The following RHAG variants were observed in gnomAD, a reference collection of about 807,000 sequenced individuals.
The protein encoded by RHAG is ammonium transporter Rh type A.
Under a neutral mutation model 42.4 loss-of-function variants are expected in RHAG, and 25 were observed. The observed-to-expected ratio is 0.59, with a 90% confidence interval of 0.43 to 0.82. The LOEUF is 0.82. RHAG is among the 40% of genes least tolerant of loss of function. The pLI is 0.00. For synonymous variants in RHAG, 182 were observed against 177.7 expected (o/e 1.02, Z -0.19); for missense variants, 483 against 504.6 (o/e 0.96, Z 0.41).
At chr6:49,628,166 AG>A (rs1487559376) in intron 1 of RHAG, among the ~76,000 whole-genome samples, 1 of 147,166 alleles carries the variant, frequency 6.8e-6, no homozygotes, top group Non-Finnish European at 1.5e-5. Flanking sequence ...ACACACAGAG[AG>A]AGAGAGAGAG....
At chr6:49,612,722 C>A (rs529989860) in intron 5 of RHAG, among the ~76,000 whole-genome samples, 188 bp from the exon 6 acceptor site, 1 of 152,310 alleles carries the variant, frequency 6.6e-6, no homozygotes, top group East Asian at 1.9e-4. Context: ...CATTTGGTAT[C>A]TTTCTTGCCG....
intron 1 of RHAG, among the ~76,000 whole-genome samples, chr6:49,634,838 T>C (rs1023459256): frequency 6.6e-6 from 1 of 152,098 alleles, no homozygotes; most frequent in African/African-American, 2.4e-5. Flanking sequence ...TACAATTATA[T>C]ACATTTGAGG....
intron 1 of RHAG, among the ~76,000 whole-genome samples, chr6:49,634,656 C>T (rs749314254): frequency 2.0e-5 from 3 of 151,740 alleles, no homozygotes; most frequent in African/African-American, 7.3e-5. Context: ...CTATCTAGTG[C>T]CTACAAGCTT....
intron 1 of RHAG, among the ~76,000 whole-genome samples, chr6:49,626,522 G>T: frequency 6.6e-6 from 1 of 152,186 alleles, no homozygotes; most frequent in East Asian, 1.9e-4. Context: ...TCAGGGTACA[G>T]CCCCCTTTCC....
At chr6:49,606,785 G>T in intron 9 of RHAG, 63 bp downstream of exon 9, 1 of 1,101,068 alleles carries the variant, frequency 9.1e-7, no homozygotes, top group Non-Finnish European at 1.4e-6. Context: ...TAGGCTTGAA[G>T]TGTGTAAAGC....
At chr6:49,606,680 C>A (rs936970900) in intron 9 of RHAG, 168 bp downstream of exon 9, 1 of 637,030 alleles carries the variant, frequency 1.6e-6, no homozygotes. Flanking sequence ...AAACAATCCT[C>A]CAGCCTCAGC....
intron 1 of RHAG, among the ~76,000 whole-genome samples, chr6:49,628,743 C>T (rs907948990): frequency 2.6e-5 from 4 of 151,148 alleles, no homozygotes; most frequent in Non-Finnish European, 2.9e-5. Flanking sequence ...CTTAAGGTGG[C>T]GCGTCTCGAG....
chr6:49,616,996 T>C (rs539246927), intron 3 of RHAG, among the ~76,000 whole-genome samples: 2 of 152,292 alleles, frequency 1.3e-5, no homozygotes, highest in South Asian at 4.2e-4. Flanking sequence ...AAAATAACCT[T>C]CTCTGTTTTT....
In RHAG at chr6:49,618,469, G is replaced by C. The variant is rs373603679; in HGVS notation, c.342-251C>G. On this transcript the variant is annotated intron_variant, in intron 2 of 9. Transcript: ENST00000371175. ...TCTAATAAGTGAATTATTTCCTGGG[G>C]TGTGTGTTTACTATTGCACAACAAG... 1.1e-4 allele frequency among the ~76,000 whole-genome samples: 16 copies of C among 152,236 alleles called. No homozygotes were observed. The East Asian group carries it at 2.7e-3, about 26-fold the overall frequency.
chr6:49,636,726 G>T lies in RHAG; in HGVS notation c.87C>A (p.Asp29Glu). Residue 29 changes from aspartate to glutamate, a missense_variant, in exon 1 of 10, where the codon GAC (aspartate) becomes GAA (glutamate). Coordinates refer to ENST00000371175, the MANE Select transcript of RHAG (RefSeq NM_000324.3). ...LFGLFVEYET[D>E]QTVLEQLNIT... Reference sequence around the variant, plus strand: ...TGTTGAGCTGCTCGAGAACAGTCTGGTCCGTTTCATACTCAACAAATAATC... The same window carrying T: ...TGTTGAGCTGCTCGAGAACAGTCTGTTCCGTTTCATACTCAACAAATAATC... 6.2e-7 allele frequency: 1 copy of T among 1,613,958 alleles called. No homozygotes were observed. The highest frequency in any genetic ancestry group is 8.5e-7 in the Non-Finnish European group (1 of 1,179,872).
At chr6:49,636,091 T>C (rs1581955729) in intron 1 of RHAG, among the ~76,000 whole-genome samples, 2 of 152,156 alleles carry the variant, frequency 1.3e-5, no homozygotes, top group African/African-American at 4.8e-5. Context: ...TTAAAATATG[T>C]TAAGTATTCA....
At chr6:49,606,617 T>C in intron 9 of RHAG, 1 of 423,988 alleles carries the variant, frequency 2.4e-6, no homozygotes, top group Non-Finnish European at 4.1e-6. Flanking sequence ...TTAAATTTAT[T>C]ATTTATAATT....
chr6:49,605,921 A>G, intron 9 of RHAG, 91 bp from the exon 10 acceptor site: 1 of 1,072,724 alleles, frequency 9.3e-7, no homozygotes, highest in South Asian at 1.3e-5. Context: ...TTTGGTAATT[A>G]TTATTCAAGC....
intron 6 of RHAG, among the ~76,000 whole-genome samples, chr6:49,611,715 C>T (rs186848104): frequency 1.3e-3 from 199 of 151,962 alleles, no homozygotes; most frequent in African/African-American, 4.5e-3. Context: ...CTCCTTCTCA[C>T]CTACTGATGA....
In RHAG at chr6:49,605,812, G is replaced by A. The variant is rs200906972; in HGVS notation, c.*1C>T. The stretch of plus-strand genomic sequence containing the variant: ...CCATGTCCATGGAACTGATTGTCAA[G>A]TTATCTCGTCTTAGGGACCTTTAAA... On this transcript the variant is annotated 3_prime_UTR_variant, in exon 10 of 10. Coordinates refer to ENST00000371175, the MANE Select transcript of RHAG (RefSeq NM_000324.3). 6.2e-7 allele frequency: 1 copy of A among 1,613,104 alleles called. No individual in the cohort carries two copies. The highest frequency in any genetic ancestry group is 1.3e-5 in the African/African-American group (1 of 75,006).
In RHAG at chr6:49,607,210, T is replaced by G. The variant is rs1762487136; in HGVS notation, c.1078A>C (p.Met360Leu). Residue 360 changes from methionine (M) to leucine (L), a missense_variant, in exon 8 of 10, where the codon ATG becomes CTG. Met to Leu is a conservative substitution (Grantham distance 15). Coordinates refer to ENST00000371175, the MANE Select transcript of RHAG (RefSeq NM_000324.3). ...AMGASNTSMA[M>L]QAAALGSSIG... ...GAGGAACCCAGTGCAGCTGCCTGCA[T>G]GGCCATAGACCTAAGGAAGCAAACA... The G allele has an allele frequency of 6.2e-7, 1 of 1,613,380 alleles. No homozygotes were observed. The highest frequency in any genetic ancestry group is 1.3e-5 in the African/African-American group (1 of 74,924).
intron 1 of RHAG, among the ~76,000 whole-genome samples, chr6:49,624,214 T>C (rs1762807097): frequency 6.6e-6 from 1 of 152,170 alleles, no homozygotes; most frequent in Non-Finnish European, 1.5e-5. Flanking sequence ...AATTAATTAA[T>C]TTATTTTGAG....
At chr6:49,624,142 C>T (rs1029122714) in intron 1 of RHAG, among the ~76,000 whole-genome samples, 2 of 152,162 alleles carry the variant, frequency 1.3e-5, no homozygotes, top group East Asian at 3.8e-4. Context: ...CTTAGCGTTC[C>T]CATCCTCCTG....
In RHAG at chr6:49,610,947, GA is replaced by G. The variant is rs577905555; in HGVS notation, c.1067+76del. The stretch of plus-strand genomic sequence containing the variant: ...AAACCATGGCCAGAACAGCTAAAAT[GA>G]AAACTCTCCCATTTCTCAGAGTGAG... On this transcript the variant is annotated intron_variant, in intron 7 of 9. Coordinates refer to ENST00000371175, the MANE Select transcript of RHAG (RefSeq NM_000324.3). 54 of 1,580,362 alleles carry G rather than the reference GA, an allele frequency of 3.4e-5. No individual in the cohort carries two copies. In the African/African-American group the frequency reaches 6.9e-4, roughly 20 times the overall value.
Sources: gnomAD v4.1 joint callset for allele counts (sites outside exome capture counted in the v4.1 genomes callset) on GRCh38, gnomAD v4.1.1 for gene constraint, MANE v1.5 for transcripts, NCBI Gene and HGNC (gene_info 2026-07-23, HGNC 2026-07-21) for gene names.